The following ADK variants were observed in gnomAD, a reference collection of about 807,000 sequenced individuals.
The protein encoded by ADK is N6,N6-dimethyladenosine kinase.
A neutral mutation model predicts 44.7 loss-of-function variants in ADK; 24 were observed. That is an observed-to-expected ratio of 0.54 (90% confidence interval 0.39 to 0.76). The LOEUF (loss-of-function observed/expected upper bound fraction) is 0.76, where lower values mean the gene tolerates loss of function less well. Ranked by LOEUF, ADK falls within the 30% of genes least tolerant of loss-of-function variation. ADK has a pLI of 0.00. For missense variants in ADK, 321 were observed against 425.1 expected (o/e 0.76, Z 2.15); for synonymous variants, 128 against 142.6 (o/e 0.90, Z 0.73).
intron 6 of ADK, among the ~76,000 whole-genome samples, chr10:74,455,112 T>C (rs1286803449): frequency 2.0e-5 from 3 of 152,192 alleles, no homozygotes; most frequent in Admixed American, 6.5e-5. Context: ...GGAATGATGA[T>C]AATAATATCT....
chr10:74,386,387 A>G (rs1374591818), intron 4 of ADK, among the ~76,000 whole-genome samples: 1 of 152,214 alleles, frequency 6.6e-6, no homozygotes, highest in Non-Finnish European at 1.5e-5. Flanking sequence ...CCTCTTGGGC[A>G]TCATTGTCAG....
chr10:74,189,019 C>G (rs1028781495), intron 1 of ADK, among the ~76,000 whole-genome samples: 1 of 152,132 alleles, frequency 6.6e-6, no homozygotes, highest in African/African-American at 2.4e-5. Flanking sequence ...GATCCGCCCA[C>G]CTTGGCCCCC....
intron 3 of ADK, among the ~76,000 whole-genome samples, chr10:74,240,577 A>C (rs1845173092): frequency 6.6e-6 from 1 of 152,190 alleles, no homozygotes; most frequent in Non-Finnish European, 1.5e-5. Context: ...CTTGGAAATT[A>C]GCAAATATTT....
At chr10:74,463,475 G>A (rs1031912643) in intron 6 of ADK, among the ~76,000 whole-genome samples, 10 of 152,084 alleles carry the variant, frequency 6.6e-5, no homozygotes, top group African/African-American at 2.4e-4. Flanking sequence ...AATAGGGTTC[G>A]CACTCTAATG....
At chr10:74,682,365 A>G (rs138184723) in intron 10 of ADK, among the ~76,000 whole-genome samples, 41 of 152,344 alleles carry the variant, frequency 2.7e-4, no homozygotes, top group African/African-American at 9.6e-4. Flanking sequence ...CTGTAGCTAT[A>G]GGACAATAAA....
At chr10:74,154,956 T>C (rs1841707516) in intron 1 of ADK, among the ~76,000 whole-genome samples, 1 of 152,250 alleles carries the variant, frequency 6.6e-6, no homozygotes, top group African/African-American at 2.4e-5. Flanking sequence ...CTGAAGTTGA[T>C]GTTAGGAAAC....
At chr10:74,423,023 A>G (rs73288098) in intron 6 of ADK, among the ~76,000 whole-genome samples, 4,854 of 152,036 alleles carry the variant, frequency 0.032, 224 homozygotes, top group African/African-American at 0.098. Flanking sequence ...CAAACAAGAT[A>G]TGGATGTAGA....
intron 6 of ADK, among the ~76,000 whole-genome samples, chr10:74,416,155 G>A (rs1181436966): frequency 2.6e-5 from 4 of 151,654 alleles, no homozygotes; most frequent in Admixed American, 2.6e-4. Context: ...GACATGGTAC[G>A]TGAAGCTTAA....
At chr10:74,367,496 T>A (rs567889942) in intron 4 of ADK, among the ~76,000 whole-genome samples, 2 of 152,332 alleles carry the variant, frequency 1.3e-5, no homozygotes, top group South Asian at 4.1e-4. Flanking sequence ...AAATAAAATG[T>A]TGATAAAGGC....
intron 9 of ADK, among the ~76,000 whole-genome samples, chr10:74,610,611 T>A (rs1564818221): frequency 6.6e-6 from 1 of 151,998 alleles, no homozygotes; most frequent in African/African-American, 2.4e-5. Context: ...TTAAAAAAAA[T>A]TAAACATAAC....
intron 10 of ADK, among the ~76,000 whole-genome samples, chr10:74,702,524 T>TTTCCTTCATTCCTTCC (rs1554900284): frequency 1.7e-5 from 2 of 120,886 alleles, no homozygotes; most frequent in African/African-American, 6.3e-5. Context: ...TCCTTCCTTC[T>TTTCCTTCATTCCTTCC]TTCCTTCCTT....
chr10:74,669,118 T>C (rs1005171995), intron 9 of ADK, among the ~76,000 whole-genome samples: 7 of 152,166 alleles, frequency 4.6e-5, no homozygotes, highest in African/African-American at 1.7e-4. Context: ...AGGAGAGTAT[T>C]TTCATTAACA....
At chr10:74,546,983 C>T (rs1393118560) in intron 7 of ADK, among the ~76,000 whole-genome samples, 1 of 152,148 alleles carries the variant, frequency 6.6e-6, no homozygotes, top group Non-Finnish European at 1.5e-5. Context: ...ATTAACTACT[C>T]TATAATTTTT....
chr10:74,453,108 A>G (rs191749260), intron 6 of ADK, among the ~76,000 whole-genome samples: 1 of 152,192 alleles, frequency 6.6e-6, no homozygotes, highest in Admixed American at 6.5e-5. Flanking sequence ...CTCTTTCTGA[A>G]AAATCTCACA....
intron 2 of ADK, among the ~76,000 whole-genome samples, chr10:74,206,956 C>T (rs1255413889): frequency 1.3e-5 from 2 of 152,104 alleles, no homozygotes; most frequent in East Asian, 1.9e-4. Context: ...TGGCAGGCTG[C>T]GTTCGGCTCA....
intron 7 of ADK, among the ~76,000 whole-genome samples, chr10:74,535,168 A>G (rs1490215504): frequency 1.3e-5 from 2 of 152,326 alleles, no homozygotes; most frequent in East Asian, 3.9e-4. Flanking sequence ...GCTTTAAAGA[A>G]GTTGAAACTA....
intron 3 of ADK, among the ~76,000 whole-genome samples, chr10:74,302,862 A>AC (rs1840107834): frequency 6.6e-6 from 1 of 151,768 alleles, no homozygotes; most frequent in East Asian, 1.9e-4. Context: ...TTTAAAAAAA[A>AC]ACAACCCAGG....
intron 4 of ADK, among the ~76,000 whole-genome samples, chr10:74,323,989 C>A (rs970688759): frequency 6.6e-6 from 1 of 152,056 alleles, no homozygotes; most frequent in Admixed American, 6.6e-5. Context: ...AGTCACTTAT[C>A]CAGTTTTGTT....
intron 4 of ADK, among the ~76,000 whole-genome samples, chr10:74,323,136 T>C (rs1840876007): frequency 6.6e-6 from 1 of 152,240 alleles, no homozygotes. Flanking sequence ...CTACAAGCAG[T>C]GGGACCTAAT....
Sources: gnomAD v4.1 joint callset for allele counts (sites outside exome capture counted in the v4.1 genomes callset) on GRCh38, gnomAD v4.1.1 for gene constraint, MANE v1.5 for transcripts, NCBI Gene and HGNC (gene_info 2026-07-23, HGNC 2026-07-21) for gene names.